The following PPP1R9A variants were observed in gnomAD, a reference collection of about 807,000 sequenced individuals.
PPP1R9A encodes the protein protein phosphatase 1 regulatory subunit 9A.
PPP1R9A carries 59 observed loss-of-function variants against 141.9 expected under a neutral mutation model. That is an observed-to-expected ratio of 0.42 (90% CI 0.34 to 0.52). The LOEUF is 0.52. Ranked by LOEUF, PPP1R9A falls within the 20% of genes least tolerant of loss-of-function variation. The probability of loss-of-function intolerance (pLI) is 0.10; values close to 1 mark genes in which losing one functional copy is unlikely to be tolerated. For synonymous variants in PPP1R9A, 500 were observed against 569.7 expected, an observed-to-expected ratio of 0.88 and a Z score of 1.74; for missense variants, 1,444 against 1,611.9, an observed-to-expected ratio of 0.90 and a Z score of 1.78.
At chr7:94,927,158 T>C (rs1343294659) in intron 2 of PPP1R9A, among the ~76,000 whole-genome samples, 1 of 152,046 alleles carries the variant, frequency 6.6e-6, no homozygotes, top group Non-Finnish European at 1.5e-5. Flanking sequence ...TGTACAATAA[T>C]TTTTTGGGGG....
chr7:94,976,006 G>A (rs1414514741), intron 2 of PPP1R9A, among the ~76,000 whole-genome samples: 3 of 151,946 alleles, frequency 2.0e-5, no homozygotes, highest in African/African-American at 7.3e-5. Context: ...TTAAGTTTAT[G>A]TCTCTATATC....
At chr7:94,916,438 G>A (rs1792090811) in intron 2 of PPP1R9A, among the ~76,000 whole-genome samples, 1 of 152,212 alleles carries the variant, frequency 6.6e-6, no homozygotes, top group Non-Finnish European at 1.5e-5. Context: ...GCCATAGCAT[G>A]TTAGGGAAGC....
intron 12 of PPP1R9A, among the ~76,000 whole-genome samples, chr7:95,263,859 A>T (rs1800835187): frequency 6.6e-6 from 1 of 152,232 alleles, no homozygotes; most frequent in African/African-American, 2.4e-5. Flanking sequence ...TAATCTCTTT[A>T]TAAAGATATT....
At chr7:95,253,644 A>C (rs1469064717) in intron 12 of PPP1R9A, among the ~76,000 whole-genome samples, 1 of 152,142 alleles carries the variant, frequency 6.6e-6, no homozygotes, top group African/African-American at 2.4e-5. Flanking sequence ...TTATTTTAAA[A>C]GTAGTATTTC....
chr7:95,150,035 C>G (rs1307247253), intron 4 of PPP1R9A, among the ~76,000 whole-genome samples: 7 of 151,778 alleles, frequency 4.6e-5, no homozygotes, highest in South Asian at 2.1e-4. Flanking sequence ...GAACAGAAAG[C>G]CCAGAAATAG....
At chr7:95,241,074 A>G (rs759648197) in intron 8 of PPP1R9A, among the ~76,000 whole-genome samples, 3 of 152,140 alleles carry the variant, frequency 2.0e-5, no homozygotes, top group Admixed American at 6.6e-5. Flanking sequence ...ATCTAGGGCA[A>G]TTCTCTGTAC....
At chr7:95,192,144 T>TA (rs1835598600) in intron 5 of PPP1R9A, among the ~76,000 whole-genome samples, 1 of 152,042 alleles carries the variant, frequency 6.6e-6, no homozygotes, top group Admixed American at 6.6e-5. Flanking sequence ...GGTTGACTCA[T>TA]AAAAAATCAA....
chr7:94,940,565 G>A (rs1292677777), intron 2 of PPP1R9A, among the ~76,000 whole-genome samples: 1 of 151,852 alleles, frequency 6.6e-6, no homozygotes, highest in African/African-American at 2.4e-5. Context: ...TAAAAGAAAA[G>A]GAAAACATTT....
intron 2 of PPP1R9A, among the ~76,000 whole-genome samples, chr7:95,025,862 A>G (rs1181652280): frequency 1.3e-5 from 2 of 152,028 alleles, no homozygotes; most frequent in South Asian, 4.2e-4. Flanking sequence ...AGTTTGATCA[A>G]TTTGGCTATT....
chr7:95,121,415 T>C (rs1210621596), intron 4 of PPP1R9A, among the ~76,000 whole-genome samples: 1 of 152,156 alleles, frequency 6.6e-6, no homozygotes, highest in Non-Finnish European at 1.5e-5. Context: ...CACTGTTTTG[T>C]CTTAGCTTTC....
intron 17 of PPP1R9A, 28 bp from the exon 18 acceptor site, chr7:95,286,178 T>C: frequency 6.2e-7 from 1 of 1,610,208 alleles, no homozygotes; most frequent in Non-Finnish European, 8.5e-7. Flanking sequence ...TGCACTCATT[T>C]AACACTGAGC....
chr7:95,038,248 A>G (rs1412000767), intron 2 of PPP1R9A, among the ~76,000 whole-genome samples: 5 of 152,160 alleles, frequency 3.3e-5, no homozygotes, highest in Non-Finnish European at 4.4e-5. Context: ...AAATCTGGAG[A>G]CAGGTGCCTC....
At chr7:95,107,984 G>A (rs1819799260) in intron 2 of PPP1R9A, among the ~76,000 whole-genome samples, 1 of 152,102 alleles carries the variant, frequency 6.6e-6, no homozygotes, top group Non-Finnish European at 1.5e-5. Context: ...GTACATTTAT[G>A]GTTGGTAATT....
intron 8 of PPP1R9A, among the ~76,000 whole-genome samples, chr7:95,236,556 TTTTATA>T (rs1796702709): frequency 6.6e-6 from 1 of 151,688 alleles, no homozygotes; most frequent in Non-Finnish European, 1.5e-5. Context: ...TATTGAAGTA[TTTTATA>T]TTTATAAGTA....
chr7:95,101,572 C>T (rs1401691416), intron 2 of PPP1R9A, among the ~76,000 whole-genome samples: 1 of 152,236 alleles, frequency 6.6e-6, no homozygotes, highest in Non-Finnish European at 1.5e-5. Context: ...CACACCACCA[C>T]TGCCCAGAAC....
intron 2 of PPP1R9A, among the ~76,000 whole-genome samples, chr7:95,033,308 C>T (rs1421575665): frequency 1.3e-5 from 2 of 151,780 alleles, no homozygotes; most frequent in African/African-American, 4.8e-5. Context: ...GCCACCGCTC[C>T]TGGCCTAATT....
intron 2 of PPP1R9A, among the ~76,000 whole-genome samples, chr7:95,110,606 A>G (rs144332228): frequency 2.8e-4 from 42 of 152,322 alleles, no homozygotes; most frequent in African/African-American, 9.9e-4. Flanking sequence ...TGAAGGCCAC[A>G]TTTAGTTGTC....
intron 2 of PPP1R9A, among the ~76,000 whole-genome samples, chr7:95,041,522 G>A (rs1356609615): frequency 1.3e-5 from 2 of 152,028 alleles, no homozygotes; most frequent in African/African-American, 4.8e-5. Flanking sequence ...ATGCATTTTT[G>A]TGCAGCTTTT....
At chr7:95,209,229 G>T (rs900500114) in intron 7 of PPP1R9A, among the ~76,000 whole-genome samples, 1 of 152,156 alleles carries the variant, frequency 6.6e-6, no homozygotes, top group African/African-American at 2.4e-5. Flanking sequence ...GCAGTTATGT[G>T]ATTATGTGGA....
Sources: gnomAD v4.1 joint callset for allele counts (sites outside exome capture counted in the v4.1 genomes callset) on GRCh38, gnomAD v4.1.1 for gene constraint, MANE v1.5 for transcripts, NCBI Gene and HGNC (gene_info 2026-07-23, HGNC 2026-07-21) for gene names.